The following SNTG2 variants were observed in gnomAD, a reference collection of about 807,000 sequenced individuals.
SNTG2 encodes the protein gamma-2-syntrophin.
A neutral mutation model predicts 70.9 loss-of-function variants in SNTG2; 74 were observed. That is an observed-to-expected ratio of 1.04 (90% CI 0.86 to 1.27). The LOEUF (loss-of-function observed/expected upper bound fraction) is 1.27. Ranked by LOEUF, SNTG2 falls within the 50% of genes most tolerant of loss-of-function variation. The pLI, the probability that SNTG2 is intolerant of heterozygous loss-of-function variation, is 0.00. For synonymous variants in SNTG2, 278 were observed against 273.8 expected (o/e 1.02, Z -0.15); for missense variants, 717 against 690.7 (o/e 1.04, Z -0.43).
intron 16 of SNTG2, among the ~76,000 whole-genome samples, chr2:1,327,791 C>T (rs1681819295): frequency 6.6e-6 from 1 of 152,146 alleles, no homozygotes; most frequent in Non-Finnish European, 1.5e-5. Context: ...CTCAAATTAC[C>T]TGAACTTGGA....
chr2:1,223,878 A>G (rs1675556778), intron 9 of SNTG2, among the ~76,000 whole-genome samples: 1 of 151,856 alleles, frequency 6.6e-6, no homozygotes. Flanking sequence ...CAGCACACAG[A>G]TGGGTGGCCT....
intron 6 of SNTG2, among the ~76,000 whole-genome samples, chr2:1,149,925 T>TG (rs1669369100): frequency 2.0e-5 from 3 of 152,048 alleles, no homozygotes; most frequent in African/African-American, 4.8e-5. Flanking sequence ...CCTGACCTTG[T>TG]GATCCACCCG....
At chr2:1,225,087 T>C (rs1675683279) in intron 9 of SNTG2, among the ~76,000 whole-genome samples, 1 of 152,196 alleles carries the variant, frequency 6.6e-6, no homozygotes, top group Admixed American at 6.5e-5. Flanking sequence ...AAAGCTCACT[T>C]GTGTATGTGT....
In SNTG2 at chr2:1,159,145, T is replaced by TGGG. The variant is rs67031103; in HGVS notation, c.412-6397_412-6395dup. On this transcript the variant is annotated intron_variant, in intron 6 of 16. Transcript: ENST00000308624. ...GTGTGTATGCATGGGTGTGCATATGTGGGGGGGGTGTGTGAGTGCATGAGT... is the reference window on the plus strand; with the variant it reads ...GTGTGTATGCATGGGTGTGCATATGTGGGGGGGGGGGTGTGTGAGTGCATGAGT... 3.4e-5 allele frequency among the ~76,000 whole-genome samples: 5 copies of TGGG among 148,536 alleles called. No homozygotes were observed. The South Asian group carries it at 6.4e-4, about 19-fold the overall frequency.
At chr2:983,389 C>G (rs776234811) in intron 1 of SNTG2, among the ~76,000 whole-genome samples, 1 of 129,946 alleles carries the variant, frequency 7.7e-6, no homozygotes, top group Non-Finnish European at 1.8e-5. Flanking sequence ...AGCAGAGGCT[C>G]TTTAGCAGAA....
chr2:1,312,731 T>C (rs937588652), intron 15 of SNTG2, among the ~76,000 whole-genome samples: 3 of 152,202 alleles, frequency 2.0e-5, no homozygotes, highest in Admixed American at 6.5e-5. Context: ...TTTAGAGCGA[T>C]TGGTGCAGAC....
At chr2:954,375 C>T (rs572979382) in intron 1 of SNTG2, among the ~76,000 whole-genome samples, 1 of 152,072 alleles carries the variant, frequency 6.6e-6, no homozygotes, top group Admixed American at 6.5e-5. Flanking sequence ...TTAATTAGTT[C>T]TAGAGGTATT....
At chr2:957,873 A>C (rs1454587721) in intron 1 of SNTG2, among the ~76,000 whole-genome samples, 1 of 152,188 alleles carries the variant, frequency 6.6e-6, no homozygotes, top group South Asian at 2.1e-4. Flanking sequence ...ATAAATGTGC[A>C]TTGTTTTAAG....
At chr2:1,367,254 A>G in intron 16 of SNTG2, 89 bp from the exon 17 acceptor site, 8 of 1,273,890 alleles carry the variant, frequency 6.3e-6, no homozygotes, top group Non-Finnish European at 8.4e-6. Context: ...ACTTTCTTGG[A>G]GTTCACAAGG....
intron 1 of SNTG2, among the ~76,000 whole-genome samples, chr2:1,041,294 C>T (rs1422146407): frequency 2.0e-5 from 3 of 152,162 alleles, no homozygotes; most frequent in African/African-American, 7.2e-5. Context: ...CTTTGCTAAG[C>T]CCCAACAGTC....
At chr2:1,361,414 A>T (rs1377291367) in intron 16 of SNTG2, among the ~76,000 whole-genome samples, 2 of 152,246 alleles carry the variant, frequency 1.3e-5, no homozygotes, top group African/African-American at 4.8e-5. Flanking sequence ...AGACAGTGCA[A>T]TTAACACAGT....
chr2:1,276,406 T>C (rs1335597754), intron 14 of SNTG2, among the ~76,000 whole-genome samples: 1 of 152,186 alleles, frequency 6.6e-6, no homozygotes, highest in Non-Finnish European at 1.5e-5. Flanking sequence ...CTGAAAAGAC[T>C]AGGGCCCTAA....
intron 6 of SNTG2, among the ~76,000 whole-genome samples, chr2:1,149,190 GAC>G (rs1491060608): frequency 1.4e-5 from 1 of 71,484 alleles, no homozygotes; most frequent in Admixed American, 1.9e-4. Context: ...CTTCTTGTCG[GAC>G]GTGTGTGTGT....
intron 14 of SNTG2, among the ~76,000 whole-genome samples, chr2:1,287,935 G>A (rs921410236): frequency 2.0e-5 from 3 of 152,138 alleles, no homozygotes; most frequent in Non-Finnish European, 2.9e-5. Context: ...ACACAGCATC[G>A]TGATGGACAG....
rs547466060 is a variant in SNTG2 at position 1,259,915 on chromosome 2, G to C, written c.1077+474G>C. 6.2e-3 allele frequency among the ~76,000 whole-genome samples: 938 copies of C among 152,314 alleles called. 10 individuals are homozygous for C. The highest frequency in any genetic ancestry group is 0.022 in the African/African-American group (894 of 41,566). On this transcript the variant is annotated intron_variant, in intron 13 of 16. Coordinates refer to ENST00000308624, the MANE Select transcript of SNTG2 (RefSeq NM_018968.4). Reference sequence around the variant, plus strand: ...CACCTCACTGGTGGGGCTGCCCGGAGCCTGGAGGTGCAGCAGGGCCCTAGC... The same window carrying C: ...CACCTCACTGGTGGGGCTGCCCGGACCCTGGAGGTGCAGCAGGGCCCTAGC...
At chr2:1,078,510 A>T (rs1022168536) in intron 1 of SNTG2, among the ~76,000 whole-genome samples, 3 of 152,106 alleles carry the variant, frequency 2.0e-5, no homozygotes, top group Non-Finnish European at 4.4e-5. Context: ...GGGCAGGTGG[A>T]TGGGCCCCAG....
At position 1,288,734 on chromosome 2, in the gene SNTG2, G is replaced by A. The variant is rs1679870141; in HGVS notation, c.1285-19760G>A. Among the ~76,000 whole-genome samples the A allele has an allele frequency of 2.0e-5, 3 of 152,126 alleles. No homozygotes were observed. In the South Asian group the frequency reaches 6.2e-4, roughly 31 times the overall value. On this transcript the variant is annotated intron_variant, in intron 14 of 16. Transcript: ENST00000308624. Reference sequence around the variant, plus strand: ...CACATGCAGACCAAGGAAAATGTGTGTAAACATGACACACCTCACACACAT... The same window carrying A: ...CACATGCAGACCAAGGAAAATGTGTATAAACATGACACACCTCACACACAT...
intron 9 of SNTG2, among the ~76,000 whole-genome samples, chr2:1,219,714 G>A (rs1425263601): frequency 6.6e-6 from 1 of 151,876 alleles, no homozygotes; most frequent in East Asian, 1.9e-4. Flanking sequence ...GGGAGGCGAG[G>A]GGAGGGGAGG....
chr2:1,115,523 G>T (rs1448093724), intron 4 of SNTG2, among the ~76,000 whole-genome samples: 1 of 151,452 alleles, frequency 6.6e-6, no homozygotes, highest in African/African-American at 2.4e-5. Flanking sequence ...GGAGGATCAT[G>T]TGTACTAAGT....
Sources: gnomAD v4.1 joint callset for allele counts (sites outside exome capture counted in the v4.1 genomes callset) on GRCh38, gnomAD v4.1.1 for gene constraint, MANE v1.5 for transcripts, NCBI Gene and HGNC (gene_info 2026-07-23, HGNC 2026-07-21) for gene names.